UNC5B: variants seen among roughly 807,000 people sequenced by gnomAD.
UNC5B encodes netrin receptor UNC5B.
Under a neutral mutation model 103.7 loss-of-function variants are expected in UNC5B, and 56 were observed. That is an observed-to-expected ratio of 0.54 (90% CI 0.44 to 0.67). The LOEUF is 0.67. Among genes scored for constraint, UNC5B ranks in the 30% least tolerant of loss-of-function variants. UNC5B has a pLI of 0.00. For synonymous variants in UNC5B, 577 were observed against 542.0 expected, an observed-to-expected ratio of 1.06 and a Z score of -0.90; for missense variants, 1,194 against 1,284.5, an observed-to-expected ratio of 0.93 and a Z score of 1.08.
At chr10:71,248,240 C>T (rs750302191) in intron 1 of UNC5B, among the ~76,000 whole-genome samples, 5 of 152,122 alleles carry the variant, frequency 3.3e-5, no homozygotes, top group African/African-American at 7.2e-5. Context: ...GAGCTCCCCC[C>T]ACTTGCTTCC....
chr10:71,239,915 T>A (rs115427208), intron 1 of UNC5B, among the ~76,000 whole-genome samples: 2,041 of 152,272 alleles, frequency 0.013, 45 homozygotes, highest in African/African-American at 0.046. Context: ...CTCGGGAGGC[T>A]GCCCATTCTG....
chr10:71,231,839 C>T (rs1843690333), intron 1 of UNC5B, among the ~76,000 whole-genome samples: 1 of 152,056 alleles, frequency 6.6e-6, no homozygotes, highest in Admixed American at 6.5e-5. Context: ...CACCTAGGTC[C>T]CACCCAGAGA....
At chr10:71,237,675 T>C (rs917108502) in intron 1 of UNC5B, among the ~76,000 whole-genome samples, 3 of 152,196 alleles carry the variant, frequency 2.0e-5, no homozygotes, top group Non-Finnish European at 2.9e-5. Context: ...GAAGTCCGTA[T>C]TGGAAGCCTC....
chr10:71,268,072 A>G (rs997441886), intron 1 of UNC5B, among the ~76,000 whole-genome samples: 10 of 152,166 alleles, frequency 6.6e-5, no homozygotes, highest in Non-Finnish European at 1.5e-5. Flanking sequence ...GAGGCCAGAG[A>G]TGGCTGCCTT....
intron 1 of UNC5B, among the ~76,000 whole-genome samples, chr10:71,246,029 G>A (rs1433139844): frequency 1.3e-5 from 2 of 152,154 alleles, no homozygotes; most frequent in Non-Finnish European, 2.9e-5. Context: ...CTGGCTGGAG[G>A]TGGAGGTGGG....
intron 10 of UNC5B, 75 bp from the exon 11 acceptor site, chr10:71,292,392 C>A (rs1022776399): frequency 4.5e-6 from 6 of 1,332,958 alleles, no homozygotes; most frequent in Non-Finnish European, 5.3e-6. Flanking sequence ...CTCCCAGCCC[C>A]AAGCTGGGGC....
At position 71,280,051 on chromosome 10, in the gene UNC5B, C is replaced by T. The variant is rs763995730; in HGVS notation, c.304+6C>T. 2 of 1,612,998 alleles carry T rather than the reference C, an allele frequency of 1.2e-6. No homozygotes were observed. The highest frequency in any genetic ancestry group is 1.7e-6 in the Non-Finnish European group (2 of 1,179,912). ...AGGCCTGGATGAGGCCACCGGTGAG[C>T]CCGCCCCACTTGCCTGGGCACCCCA... is the stretch of plus-strand genomic sequence containing the variant. On this transcript the variant is annotated splice_donor_region_variant and intron_variant, in intron 2 of 16. Coordinates refer to ENST00000335350, the MANE Select transcript of UNC5B (RefSeq NM_170744.5).
intron 1 of UNC5B, among the ~76,000 whole-genome samples, chr10:71,244,511 G>C (rs555817629): frequency 6.6e-6 from 1 of 152,362 alleles, no homozygotes; most frequent in East Asian, 1.9e-4. Context: ...CCTTCTTACA[G>C]AGGGCACAGA....
intron 1 of UNC5B, among the ~76,000 whole-genome samples, chr10:71,256,763 C>T (rs1844299938): frequency 6.6e-6 from 1 of 152,248 alleles, no homozygotes. Context: ...ATTCTTAGAA[C>T]ATCCAAGCTT....
At position 71,287,768 on chromosome 10, in the gene UNC5B, A is replaced by G. The variant is rs371874792; in HGVS notation, c.901+3A>G. The G allele has an allele frequency of 8.7e-6, 14 of 1,611,394 alleles. No individual in the cohort carries two copies. The African/African-American group carries it at 1.3e-4, about 15-fold the overall frequency. ...CGCCTGCACCACCATCTGCCCAGGT[A>G]AGGAGCCTTGTCCATGTCCAGCCCC... On this transcript the variant is annotated splice_donor_region_variant and intron_variant, in intron 6 of 16. Transcript: ENST00000335350.
At chr10:71,227,747 TAC>T (rs1279319102) in intron 1 of UNC5B, among the ~76,000 whole-genome samples, 2 of 102,590 alleles carry the variant, frequency 1.9e-5, no homozygotes, top group Non-Finnish European at 4.2e-5. Flanking sequence ...CACACACACA[TAC>T]ATACCCTAGT....
intron 1 of UNC5B, among the ~76,000 whole-genome samples, chr10:71,243,938 G>T (rs990256329): frequency 1.3e-5 from 2 of 152,220 alleles, no homozygotes; most frequent in African/African-American, 4.8e-5. Flanking sequence ...TGAGTACACC[G>T]AGGCCCAGAG....
intron 1 of UNC5B, among the ~76,000 whole-genome samples, chr10:71,230,576 G>A (rs891131133): frequency 2.0e-5 from 3 of 152,218 alleles, no homozygotes; most frequent in African/African-American, 7.2e-5. Flanking sequence ...TCAGGCCTCC[G>A]GCCCTGGGTA....
intron 4 of UNC5B, 90 bp downstream of exon 4, chr10:71,285,519 G>A (rs1205793848): frequency 3.7e-5 from 43 of 1,166,774 alleles, no homozygotes; most frequent in Non-Finnish European, 5.0e-5. Context: ...CAGCCATGGT[G>A]CTAGTCTCCC....
chr10:71,271,357 C>T (rs1476751495), intron 1 of UNC5B, among the ~76,000 whole-genome samples: 1 of 152,210 alleles, frequency 6.6e-6, no homozygotes, highest in African/African-American at 2.4e-5. Flanking sequence ...TGGGAATATG[C>T]TTATTATCTG....
chr10:71,236,452 G>T (rs1843775952), intron 1 of UNC5B, among the ~76,000 whole-genome samples: 2 of 152,210 alleles, frequency 1.3e-5, no homozygotes. Flanking sequence ...GGATCGGGTG[G>T]TGTGGGCCGG....
At position 71,290,074 on chromosome 10, in the gene UNC5B, G is replaced by A. The variant is rs111332340; in HGVS notation, c.1100-841G>A. 8.9e-3 allele frequency among the ~76,000 whole-genome samples: 1,353 copies of A among 152,316 alleles called. 25 individuals are homozygous for A. The highest frequency in any genetic ancestry group is 0.02 in the Middle Eastern group (6 of 294). On this transcript the variant is annotated intron_variant, in intron 8 of 16. Transcript: ENST00000335350. ...CCCTGAACTGCCCAGTGTGAAAGCC[G>A]TTCAAACTTATACTTAGCTTAATTA...
chr10:71,286,928 G>A lies in UNC5B; in HGVS notation c.733+59G>A, dbSNP rs554146762. 4.0e-5 allele frequency: 63 copies of A among 1,579,728 alleles called. No homozygotes were observed. In the African/African-American group the frequency reaches 8.1e-4, roughly 20 times the overall value. ...GGCCAAGGGAGGGAGGAGAGAGCCT[G>A]GGGGTAGGGGGGACCCCTGGATTGG... On this transcript the variant is annotated intron_variant, in intron 5 of 16. Coordinates refer to ENST00000335350, the MANE Select transcript of UNC5B (RefSeq NM_170744.5).
chr10:71,268,688 C>T (rs367816451), intron 1 of UNC5B, among the ~76,000 whole-genome samples: 7 of 152,162 alleles, frequency 4.6e-5, no homozygotes, highest in South Asian at 2.1e-4. Context: ...CTGAGGGAGA[C>T]GGGGGAAATT....
Sources: allele counts gnomAD v4.1 joint callset (sites outside exome capture counted in the v4.1 genomes callset), GRCh38; gene constraint gnomAD v4.1.1; transcripts MANE v1.5; gene names NCBI Gene and HGNC (gene_info 2026-07-23, HGNC 2026-07-21).